DNM3: variants seen among roughly 807,000 people sequenced by gnomAD.
The protein encoded by DNM3 is dynamin-3.
DNM3 carries 47 observed loss-of-function variants against 101.6 expected under a neutral mutation model. That is an observed-to-expected ratio of 0.46 (90% confidence interval 0.37 to 0.59). The LOEUF is 0.59. Ranked by LOEUF, DNM3 falls within the 20% of genes least tolerant of loss-of-function variation. The probability of loss-of-function intolerance (pLI) is 0.00; values close to 1 mark genes in which losing one functional copy is unlikely to be tolerated. For missense variants in DNM3, 849 were observed against 1,085.7 expected, an observed-to-expected ratio of 0.78 and a Z score of 3.06; for synonymous variants, 385 against 387.9, an observed-to-expected ratio of 0.99 and a Z score of 0.09.
At chr1:171,968,947 A>T (rs1020075484) in intron 2 of DNM3, among the ~76,000 whole-genome samples, 2 of 152,312 alleles carry the variant, frequency 1.3e-5, no homozygotes, top group South Asian at 4.1e-4. Flanking sequence ...ACTCGTAGAG[A>T]TGTCTCAGAT....
chr1:172,196,111 T>A (rs1017979844), intron 14 of DNM3, among the ~76,000 whole-genome samples: 6 of 151,752 alleles, frequency 4.0e-5, no homozygotes, highest in Admixed American at 4.0e-4. Context: ...TTTGTGTTCA[T>A]AAATTATTAT....
chr1:172,095,773 CTCT>C (rs2054204734), intron 13 of DNM3, among the ~76,000 whole-genome samples: 1 of 152,160 alleles, frequency 6.6e-6, no homozygotes, highest in African/African-American at 2.4e-5. Context: ...AAGGGCAAAA[CTCT>C]TCTTTAAAGT....
intron 4 of DNM3, among the ~76,000 whole-genome samples, chr1:172,031,457 G>A (rs1474613834): frequency 6.6e-6 from 1 of 152,010 alleles, no homozygotes; most frequent in Non-Finnish European, 1.5e-5. Flanking sequence ...GCATTGGGAG[G>A]CTTAAAACCT....
At chr1:172,368,931 G>C (rs2068174243) in intron 17 of DNM3, among the ~76,000 whole-genome samples, 1 of 151,836 alleles carries the variant, frequency 6.6e-6, no homozygotes, top group African/African-American at 2.4e-5. Context: ...GATTGAACCA[G>C]GAAGAAATGG....
At chr1:172,011,447 G>T (rs6684633) in intron 4 of DNM3, among the ~76,000 whole-genome samples, 2 of 151,652 alleles carry the variant, frequency 1.3e-5, no homozygotes, top group African/African-American at 4.8e-5. Flanking sequence ...GAACTCCATC[G>T]ATGTCTCCTC....
chr1:172,239,785 T>G, intron 14 of DNM3, among the ~76,000 whole-genome samples: 1 of 120,248 alleles, frequency 8.3e-6, no homozygotes, highest in Non-Finnish European at 1.7e-5. Context: ...TCTCCAGCCC[T>G]GTCTTTTTTT....
chr1:172,300,818 C>G (rs1046705779), intron 15 of DNM3, among the ~76,000 whole-genome samples: 2 of 152,182 alleles, frequency 1.3e-5, no homozygotes, highest in African/African-American at 4.8e-5. Flanking sequence ...AAAGAGGACA[C>G]TTTTATGTAG....
At chr1:172,286,095 A>T (rs1250535354) in intron 15 of DNM3, among the ~76,000 whole-genome samples, 1 of 144,466 alleles carries the variant, frequency 6.9e-6, no homozygotes, top group Non-Finnish European at 1.5e-5. Flanking sequence ...TACTATTATC[A>T]TTTAGTCATT....
At chr1:172,254,855 A>T (rs2062336445) in intron 15 of DNM3, among the ~76,000 whole-genome samples, 1 of 152,140 alleles carries the variant, frequency 6.6e-6, no homozygotes, top group African/African-American at 2.4e-5. Context: ...TTCCAAATGA[A>T]AATGTTATAG....
At chr1:172,095,703 T>C (rs1002110621) in intron 13 of DNM3, among the ~76,000 whole-genome samples, 11 of 152,158 alleles carry the variant, frequency 7.2e-5, no homozygotes, top group African/African-American at 2.7e-4. Flanking sequence ...CTCTTAGGGC[T>C]CCTGGTTGCA....
chr1:172,092,347 C>G (rs2053968301), intron 12 of DNM3, among the ~76,000 whole-genome samples: 1 of 152,170 alleles, frequency 6.6e-6, no homozygotes, highest in African/African-American at 2.4e-5. Flanking sequence ...GGTACTACCA[C>G]TTATTAGCTG....
intron 17 of DNM3, among the ~76,000 whole-genome samples, chr1:172,335,467 T>C (rs906342208): frequency 1.3e-5 from 2 of 152,124 alleles, no homozygotes; most frequent in African/African-American, 2.4e-5. Flanking sequence ...ATAATATTAT[T>C]TATAGAATAC....
chr1:172,140,282 C>T (rs1171236056), intron 14 of DNM3: 3 of 151,672 alleles, frequency 2.0e-5, no homozygotes, highest in Non-Finnish European at 2.9e-5. Context: ...AACAAATTTC[C>T]GATTCTGTTT....
At chr1:171,911,564 T>G (rs1163979079) in intron 1 of DNM3, among the ~76,000 whole-genome samples, 3 of 152,210 alleles carry the variant, frequency 2.0e-5, no homozygotes, top group African/African-American at 4.8e-5. Context: ...ATTACAGGTG[T>G]GAGCCACTGT....
intron 14 of DNM3, among the ~76,000 whole-genome samples, chr1:172,206,450 T>G (rs55935473): frequency 0.25 from 37,627 of 152,090 alleles, 5,254 homozygotes; most frequent in Middle Eastern, 0.34. Flanking sequence ...TATTAAAAAG[T>G]CACATATTAA....
At chr1:172,183,979 G>A (rs1243043351) in intron 14 of DNM3, among the ~76,000 whole-genome samples, 1 of 150,972 alleles carries the variant, frequency 6.6e-6, no homozygotes, top group East Asian at 1.9e-4. Context: ...CAAAACAACA[G>A]CAATCATAAC....
At chr1:171,927,107 A>G (rs2040632089) in intron 2 of DNM3, among the ~76,000 whole-genome samples, 1 of 152,236 alleles carries the variant, frequency 6.6e-6, no homozygotes, top group African/African-American at 2.4e-5. Flanking sequence ...ATGTAAAATT[A>G]TCTCTATTTG....
intron 2 of DNM3, chr1:171,970,290 A>G (rs1202909242): frequency 3.7e-6 from 1 of 271,178 alleles, no homozygotes; most frequent in Non-Finnish European, 5.6e-6. Context: ...CATTTTTGGG[A>G]AATTGACTTT....
intron 17 of DNM3, chr1:172,338,675 A>G: frequency 2.9e-6 from 1 of 346,292 alleles, no homozygotes; most frequent in Non-Finnish European, 5.7e-6. Context: ...GAGCAGCCAC[A>G]GCCCACCAGG....
Sources: gnomAD v4.1 joint callset for allele counts (sites outside exome capture counted in the v4.1 genomes callset) on GRCh38, gnomAD v4.1.1 for gene constraint, MANE v1.5 for transcripts, NCBI Gene and HGNC (gene_info 2026-07-23, HGNC 2026-07-21) for gene names.